DCUN1D1: variants seen among roughly 807,000 people sequenced by gnomAD.
The protein encoded by DCUN1D1 is DCN1-like protein 1.
In DCUN1D1, 3 loss-of-function variants were observed where a neutral mutation model predicts 39.0. That is an observed-to-expected ratio of 0.08 (90% CI 0.04 to 0.20). The LOEUF (loss-of-function observed/expected upper bound fraction) is 0.20, where lower values mean the gene tolerates loss of function less well. Among genes scored for constraint, DCUN1D1 ranks in the 10% least tolerant of loss-of-function variants. DCUN1D1 has a pLI of 1.00. For missense variants in DCUN1D1, 158 were observed against 302.4 expected, an observed-to-expected ratio of 0.52 and a Z score of 3.54; for synonymous variants, 82 against 96.3, an observed-to-expected ratio of 0.85 and a Z score of 0.87.
intron 4 of DCUN1D1, among the ~76,000 whole-genome samples, chr3:182,954,738 G>A (rs956911285): frequency 6.6e-6 from 1 of 152,164 alleles, no homozygotes; most frequent in African/African-American, 2.4e-5. Context: ...TAAGTATGAG[G>A]CTTTTGCTAT....
At chr3:182,961,566 ATAAT>A (rs368498955) in intron 3 of DCUN1D1, among the ~76,000 whole-genome samples, 2 of 152,306 alleles carry the variant, frequency 1.3e-5, no homozygotes, top group African/African-American at 4.8e-5. Context: ...AATGTTCTAA[ATAAT>A]TACTTTTAAA....
intron 1 of DCUN1D1, among the ~76,000 whole-genome samples, chr3:182,978,905 G>A (rs1382327794): frequency 3.3e-5 from 5 of 152,204 alleles, no homozygotes; most frequent in African/African-American, 9.6e-5. Context: ...AACAGGTGAT[G>A]AGTATTTCCG....
chr3:182,985,277 C>G (rs923811390), upstream of DCUN1D1, among the ~76,000 whole-genome samples: 2 of 152,172 alleles, frequency 1.3e-5, no homozygotes, highest in African/African-American at 2.4e-5. Context: ...GGCTCACCCC[C>G]CAGTGTTACT....
rs58326496 is a variant in DCUN1D1 at position 182,979,600 on chromosome 3, T to TTCC, written c.3+886_3+887insGGA. Among the ~76,000 whole-genome samples the TTCC allele has an allele frequency of 8.2e-3, 1,123 of 137,048 alleles. 11 individuals carry two copies. Among genetic ancestry groups the TTCC allele is most frequent in the African/African-American group, 0.028 (996 of 35,244 alleles). 89.9% of individuals were successfully genotyped at this position (137,048 alleles called of 152,430 possible). On this transcript the variant is annotated intron_variant, in intron 1 of 6. Coordinates refer to ENST00000292782, the MANE Select transcript of DCUN1D1 (RefSeq NM_020640.4). ...GTCTGCAAGCCTGGAGAGGACTTTT[T>TTCC]CCCCCCCCCAAACAAAAAAGGAGAG...
chr3:182,944,305 G>A lies in DCUN1D1; in HGVS notation c.*789C>T, dbSNP rs1248191033. ...GCATAATGAAGTCCAATTATGTAGT[G>A]CATAATGTAGACAGGAGAAGAATCT... On this transcript the variant is annotated 3_prime_UTR_variant, in exon 7 of 7. Transcript: ENST00000292782. 3 of 152,582 alleles carry A rather than the reference G, an allele frequency of 2.0e-5. No individual in the cohort carries two copies. The highest frequency in any genetic ancestry group is 3.8e-4 in the East Asian group (2 of 5,204). The allele number at this position is 152,582 out of a possible 1,614,324, so 9.5% of individuals were successfully genotyped here.
At chr3:182,959,599 A>C (rs924031683) in intron 4 of DCUN1D1, among the ~76,000 whole-genome samples, 2 of 151,982 alleles carry the variant, frequency 1.3e-5, no homozygotes, top group Non-Finnish European at 2.9e-5. Flanking sequence ...AATTAAGGAT[A>C]ATAAACTGCT....
intron 1 of DCUN1D1, among the ~76,000 whole-genome samples, chr3:182,976,773 C>T (rs1728261280): frequency 6.6e-6 from 1 of 152,164 alleles, no homozygotes; most frequent in Non-Finnish European, 1.5e-5. Flanking sequence ...ATTTTTGTCT[C>T]TTCTGTGATA....
At chr3:182,958,395 A>G (rs1727205801) in intron 4 of DCUN1D1, among the ~76,000 whole-genome samples, 1 of 152,112 alleles carries the variant, frequency 6.6e-6, no homozygotes, top group African/African-American at 2.4e-5. Context: ...TTAGTGTGGT[A>G]TATTTTTTAT....
At chr3:182,980,156 TC>T in intron 1 of DCUN1D1, 1 of 421,446 alleles carries the variant, frequency 2.4e-6, no homozygotes, top group African/African-American at 2.4e-5. Flanking sequence ...CCCCCTCCCC[TC>T]CCCCCGCCCC....
rs1726310844 is a variant in DCUN1D1 at position 182,944,773 on chromosome 3, T to C, written c.*321A>G. 4.7e-6 allele frequency: 1 copy of C among 214,532 alleles called. No individual in the cohort carries two copies. The highest frequency in any genetic ancestry group is 9.3e-6 in the Non-Finnish European group (1 of 107,702). The allele number at this position is 214,532 out of a possible 1,614,324, so 13.3% of individuals were successfully genotyped here. A position where few individuals can be genotyped will look rare whatever the true frequency, so the allele number is the denominator to read the frequency against. The stretch of plus-strand genomic sequence containing the variant: ...GACAGCATTGTGCTTTATGCGAGAA[T>C]GAAAACCTCAAAATAATCACCATAA... On this transcript the variant is annotated 3_prime_UTR_variant, in exon 7 of 7. Transcript: ENST00000292782.
chr3:182,976,444 TACACACACACACACACACACACACACAC>T (rs59465164), intron 1 of DCUN1D1, among the ~76,000 whole-genome samples: 1 of 140,684 alleles, frequency 7.1e-6, no homozygotes, highest in African/African-American at 2.7e-5. Flanking sequence ...TATACATACA[TACACACACACACACACACACACACACAC>T]ACACACACAC....
At chr3:182,961,420 T>C in intron 3 of DCUN1D1, 64 bp from the exon 4 acceptor site, 1 of 1,362,110 alleles carries the variant, frequency 7.3e-7, no homozygotes, top group Non-Finnish European at 1.0e-6. Flanking sequence ...AACTTACTTA[T>C]TCCCATGAGG....
intron 4 of DCUN1D1, 88 bp from the exon 5 acceptor site, chr3:182,947,720 C>T (rs746256749): frequency 3.4e-5 from 26 of 764,440 alleles, no homozygotes; most frequent in Non-Finnish European, 5.4e-5. Flanking sequence ...ACAGGTATGA[C>T]CAAAGAAAGT....
chr3:182,947,515 G>GA (rs775294771), intron 5 of DCUN1D1, 35 bp downstream of exon 5: 1 of 1,319,698 alleles, frequency 7.6e-7, no homozygotes, highest in Non-Finnish European at 1.1e-6. Context: ...CAGAATTTGA[G>GA]AAAACAGAGA....
At chr3:182,984,666 T>C (rs1728669862), upstream of DCUN1D1, among the ~76,000 whole-genome samples, 2 of 152,116 alleles carry the variant, frequency 1.3e-5, no homozygotes, top group African/African-American at 2.4e-5. Flanking sequence ...AAAATTAATA[T>C]AGTGCTCATA....
At chr3:182,959,412 A>C (rs1262698035) in intron 4 of DCUN1D1, among the ~76,000 whole-genome samples, 1 of 149,752 alleles carries the variant, frequency 6.7e-6, no homozygotes, top group Non-Finnish European at 1.5e-5. Flanking sequence ...TCTGTTTCTC[A>C]ATACTTTTTC....
chr3:182,980,356 A>G (rs1728476682), intron 1 of DCUN1D1, 131 bp downstream of exon 1: 3 of 637,446 alleles, frequency 4.7e-6, no homozygotes, highest in Non-Finnish European at 5.9e-6. Context: ...CCCGCCTGGG[A>G]GCGGGACGGA....
upstream of DCUN1D1, among the ~76,000 whole-genome samples, chr3:182,981,843 CG>C (rs1728563987): frequency 6.6e-6 from 1 of 152,210 alleles, no homozygotes. Flanking sequence ...GGCCACAAAC[CG>C]TTCATCCATT....
At chr3:182,948,166 T>C (rs1410575227) in intron 4 of DCUN1D1, among the ~76,000 whole-genome samples, 1 of 152,170 alleles carries the variant, frequency 6.6e-6, no homozygotes, top group African/African-American at 2.4e-5. Flanking sequence ...ATCCCTGATG[T>C]ACACCTACAG....
Sources: gnomAD v4.1 joint callset for allele counts (sites outside exome capture counted in the v4.1 genomes callset) on GRCh38, gnomAD v4.1.1 for gene constraint, MANE v1.5 for transcripts, NCBI Gene and HGNC (gene_info 2026-07-23, HGNC 2026-07-21) for gene names.